LEPR: variants seen among roughly 807,000 people sequenced by gnomAD.
LEPR encodes leptin receptor.
In LEPR, 56 loss-of-function variants were observed where a neutral mutation model predicts 114.7. That is an observed-to-expected ratio of 0.49 (90% confidence interval 0.39 to 0.61). The LOEUF (loss-of-function observed/expected upper bound fraction) is 0.61, where lower values mean the gene tolerates loss of function less well. Ranked by LOEUF, LEPR falls within the 20% of genes least tolerant of loss-of-function variation. The probability of loss-of-function intolerance (pLI) is 0.00; values close to 1 mark genes in which losing one functional copy is unlikely to be tolerated. For synonymous variants in LEPR, 443 were observed against 461.4 expected, an observed-to-expected ratio of 0.96 and a Z score of 0.51; for missense variants, 1,202 against 1,352.9, an observed-to-expected ratio of 0.89 and a Z score of 1.75.
intron 2 of LEPR, among the ~76,000 whole-genome samples, chr1:65,500,639 A>T (rs1648398572): frequency 6.6e-6 from 1 of 152,180 alleles, no homozygotes; most frequent in African/African-American, 2.4e-5. Flanking sequence ...CTCTAGTTTA[A>T]CTTACTGTAA....
intron 2 of LEPR, among the ~76,000 whole-genome samples, chr1:65,444,681 G>C (rs1244396841): frequency 4.6e-5 from 7 of 152,148 alleles, no homozygotes; most frequent in African/African-American, 1.7e-4. Context: ...GAGAGGAAAG[G>C]AGGAAGGGAT....
At chr1:65,616,306 C>A in intron 15 of LEPR, 82 bp downstream of exon 15, 1 of 1,403,252 alleles carries the variant, frequency 7.1e-7, no homozygotes, top group Non-Finnish European at 9.8e-7. Context: ...AATTATCTTT[C>A]AAGCAGCCTG....
chr1:65,479,904 AAAACAAAACAAGACAAAAAAC>A (rs1647200178), intron 2 of LEPR, among the ~76,000 whole-genome samples: 1 of 151,126 alleles, frequency 6.6e-6, no homozygotes, highest in African/African-American at 2.5e-5. Flanking sequence ...CACTAAAAAC[AAAACAAAACAAGACAAAAAAC>A]AAACAAACAA....
At chr1:65,479,519 G>A (rs922035918) in intron 2 of LEPR, among the ~76,000 whole-genome samples, 5 of 152,116 alleles carry the variant, frequency 3.3e-5, no homozygotes, top group East Asian at 1.9e-4. Context: ...TTTCCAAAGC[G>A]TATCTGGCAT....
At chr1:65,429,824 A>G in intron 2 of LEPR, 3 of 1,379,964 alleles carry the variant, frequency 2.2e-6, no homozygotes, top group Non-Finnish European at 2.9e-6. Flanking sequence ...TGTAACTGTT[A>G]CTTTTCTTTT....
intron 2 of LEPR, among the ~76,000 whole-genome samples, chr1:65,468,504 G>A (rs532127665): frequency 5.3e-5 from 8 of 152,286 alleles, no homozygotes; most frequent in African/African-American, 1.9e-4. Flanking sequence ...GGCAGAGCAG[G>A]AGTAAGTATT....
rs1473618534 is a variant in LEPR at position 65,502,851 on chromosome 1, G to C, written c.-20-62695G>C. Among the ~76,000 whole-genome samples, 4 of 151,668 alleles carry C rather than the reference G, an allele frequency of 2.6e-5. No homozygotes were observed. In the East Asian group the frequency reaches 5.8e-4, roughly 22 times the overall value. On this transcript the variant is annotated intron_variant, in intron 2 of 19. Coordinates refer to ENST00000349533, the MANE Select transcript of LEPR (RefSeq NM_002303.6). ...TGGGGCTGAAATGTATAGAGCCTGGGGGGAGAGTAACATGTCAGAGAGAAT... is the reference window on the plus strand; with the variant it reads ...TGGGGCTGAAATGTATAGAGCCTGGCGGGAGAGTAACATGTCAGAGAGAAT...
intron 2 of LEPR, among the ~76,000 whole-genome samples, chr1:65,527,953 C>G (rs548047896): frequency 8.3e-4 from 127 of 152,152 alleles, no homozygotes; most frequent in Non-Finnish European, 1.5e-3. Context: ...TCACGGTCCA[C>G]AGCCAACTCA....
At chr1:65,562,827 GGATAT>G in intron 2 of LEPR, among the ~76,000 whole-genome samples, 1 of 42,128 alleles carries the variant, frequency 2.4e-5, no homozygotes, top group East Asian at 2.5e-4. Context: ...TAGTTTGGCT[GGATAT>G]GAAATTCTGG....
chr1:65,604,982 T>A (rs1048871159), intron 10 of LEPR, 56 bp from the exon 11 acceptor site: 2 of 1,593,374 alleles, frequency 1.3e-6, no homozygotes, highest in Admixed American at 3.4e-5. Flanking sequence ...TTCTCAGATA[T>A]CTTCTTGTTG....
At chr1:65,487,981 CTT>C (rs1035655016) in intron 2 of LEPR, among the ~76,000 whole-genome samples, 8 of 147,920 alleles carry the variant, frequency 5.4e-5, no homozygotes, top group South Asian at 2.1e-4. Flanking sequence ...TTCCTTCTCT[CTT>C]TCTTTCATCT....
intron 5 of LEPR, among the ~76,000 whole-genome samples, chr1:65,581,784 A>T (rs768882433): frequency 1.3e-5 from 2 of 152,208 alleles, no homozygotes; most frequent in African/African-American, 2.4e-5. Context: ...AAACCAAGAG[A>T]CATCCGCAAC....
chr1:65,630,117 T>C (rs1557706623), intron 19 of LEPR: 1 of 166,068 alleles, frequency 6.0e-6, no homozygotes, highest in Non-Finnish European at 1.3e-5. Flanking sequence ...CCTTAACATA[T>C]AGTATCCAGT....
rs539399853 is a variant in LEPR, at chr1:65,453,651, G to C, written c.-21+28273G>C. ...TGCACTGTGGTCTGACAGACAGTTTGTTATAATTTCTGTTCTTTTACATTT... is the reference window on the plus strand; with the variant it reads ...TGCACTGTGGTCTGACAGACAGTTTCTTATAATTTCTGTTCTTTTACATTT... On this transcript the variant is annotated intron_variant, in intron 2 of 19. Transcript: ENST00000349533. 5.4e-3 allele frequency among the ~76,000 whole-genome samples: 824 copies of C among 152,222 alleles called. 12 individuals are homozygous for C. The highest frequency in any genetic ancestry group is 0.019 in the African/African-American group (795 of 41,536).
At chr1:65,432,361 C>T in intron 2 of LEPR, 3 of 972,812 alleles carry the variant, frequency 3.1e-6, no homozygotes, top group Non-Finnish European at 3.7e-6. Flanking sequence ...GACCAAGAGC[C>T]TCAACATTTC....
Position 65,518,887 on chromosome 1 carries a change from T to C in LEPR, c.-20-46659T>C, listed in dbSNP as rs1202045635. On this transcript the variant is annotated intron_variant, in intron 2 of 19. Coordinates refer to ENST00000349533, the MANE Select transcript of LEPR (RefSeq NM_002303.6). Reference sequence around the variant, plus strand: ...TCTTTCTTTCTTTTTCTTTCTTTCTTTCTTTCTTTCTTTCTTTCTTTCTTT... The same window carrying C: ...TCTTTCTTTCTTTTTCTTTCTTTCTCTCTTTCTTTCTTTCTTTCTTTCTTT... Among the ~76,000 whole-genome samples the C allele has an allele frequency of 6.1e-3, 511 of 84,090 alleles. 3 individuals carry two copies. Among genetic ancestry groups the C allele is most frequent in the African/African-American group, 0.019 (464 of 24,670 alleles). The allele number at this position is 84,090 out of a possible 152,430, so 55.2% of individuals were successfully genotyped here. A position where few individuals can be genotyped will look rare whatever the true frequency, so the allele number is the denominator to read the frequency against.
intron 2 of LEPR, chr1:65,434,183 AAG>A: frequency 1.0e-6 from 1 of 983,696 alleles, no homozygotes; most frequent in Non-Finnish European, 1.2e-6. Context: ...TATGTCTGAA[AAG>A]AGAGCTATTC....
chr1:65,548,061 A>T (rs1337747030), intron 2 of LEPR, among the ~76,000 whole-genome samples: 1 of 151,696 alleles, frequency 6.6e-6, no homozygotes, highest in Non-Finnish European at 1.5e-5. Context: ...TCATTTCGTT[A>T]TGTACCCAGT....
chr1:65,625,313 A>G (rs1019883396), intron 19 of LEPR, among the ~76,000 whole-genome samples: 1 of 152,124 alleles, frequency 6.6e-6, no homozygotes, highest in African/African-American at 2.4e-5. Context: ...TGCCTCTCTA[A>G]AATAGTTCTT....
Sources: allele counts gnomAD v4.1 joint callset (sites outside exome capture counted in the v4.1 genomes callset), GRCh38; gene constraint gnomAD v4.1.1; transcripts MANE v1.5; gene names NCBI Gene and HGNC (gene_info 2026-07-23, HGNC 2026-07-21).